Variants in ATP2B2 observed in about 807,000 individuals in gnomAD.
ATP2B2 encodes the protein ATPase plasma membrane Ca2+ transporting 2.
ATP2B2 carries 15 observed loss-of-function variants against 120.0 expected under a neutral mutation model. That is an observed-to-expected ratio of 0.12 (90% CI 0.08 to 0.19). The LOEUF (loss-of-function observed/expected upper bound fraction) is 0.19. Ranked by LOEUF, ATP2B2 falls within the 10% of genes least tolerant of loss-of-function variation. The pLI, the probability that ATP2B2 is intolerant of heterozygous loss-of-function variation, is 1.00. For synonymous variants in ATP2B2, 694 were observed against 700.3 expected (o/e 0.99, Z 0.14); for missense variants, 1,045 against 1,719.8 (o/e 0.61, Z 6.94).
Position 10,327,058 on chromosome 3 carries a change from A to G in ATP2B2, c.*1756T>C. On this transcript the variant is annotated 3_prime_UTR_variant, in exon 23 of 23. Coordinates refer to ENST00000360273, the MANE Select transcript of ATP2B2 (RefSeq NM_001001331.4). ...AATGTCTTTTGCACTGTACAAGTTT[A>G]TGGAAAAAAGATCATATGCTGAAAA... 2.5e-6 allele frequency: 1 copy of G among 393,178 alleles called. No individual in the cohort carries two copies. The highest frequency in any genetic ancestry group is 4.5e-6 in the Non-Finnish European group (1 of 223,000). The allele number at this position is 393,178 out of a possible 1,614,324, so 24.4% of individuals were successfully genotyped here. A position where few individuals can be genotyped will look rare whatever the true frequency, so the allele number is the denominator to read the frequency against.
chr3:10,452,906 A>C (rs112610254), intron 1 of ATP2B2, among the ~76,000 whole-genome samples: 401 of 152,322 alleles, frequency 2.6e-3, no homozygotes, highest in Middle Eastern at 0.017. Flanking sequence ...AAGCTGGTGA[A>C]CATTTACCAC....
At position 10,354,926 on chromosome 3, in the gene ATP2B2, C is replaced by T. The variant is rs145283923; in HGVS notation, c.2136+3765G>A. On this transcript the variant is annotated intron_variant, in intron 14 of 22. Transcript: ENST00000360273. ...TGACAAATAATTCTGCATAAAGGGA[C>T]GAGTCCAGGAGGACAGAGCTCTGGG... 4.5e-3 allele frequency among the ~76,000 whole-genome samples: 689 copies of T among 152,226 alleles called. 17 individuals carry two copies. The highest frequency in any genetic ancestry group is 0.041 in the Admixed American group (622 of 15,290).
chr3:10,397,271 G>A (rs2062069154), intron 5 of ATP2B2, among the ~76,000 whole-genome samples: 1 of 152,224 alleles, frequency 6.6e-6, no homozygotes, highest in Non-Finnish European at 1.5e-5. Flanking sequence ...TGGGCAAGAG[G>A]ATTGTTGCAG....
intron 21 of ATP2B2, chr3:10,338,719 A>C: frequency 3.1e-6 from 1 of 322,032 alleles, no homozygotes; most frequent in South Asian, 2.7e-5. Context: ...AAGTCATTTA[A>C]CCTCACCGAG....
At chr3:10,426,592 C>T (rs2063151944) in intron 2 of ATP2B2, among the ~76,000 whole-genome samples, 1 of 152,178 alleles carries the variant, frequency 6.6e-6, no homozygotes, top group African/African-American at 2.4e-5. Flanking sequence ...CCATGAAGGC[C>T]ACAGAAGGAC....
chr3:10,592,563 T>A (rs867086057), intron 2 of ATP2B2, among the ~76,000 whole-genome samples: 1 of 152,332 alleles, frequency 6.6e-6, no homozygotes, highest in African/African-American at 2.4e-5. Flanking sequence ...TGCAGACATT[T>A]TTTTTCCTCC....
intron 1 of ATP2B2, among the ~76,000 whole-genome samples, chr3:10,484,513 T>C (rs1422719810): frequency 6.6e-6 from 1 of 152,118 alleles, no homozygotes; most frequent in Non-Finnish European, 1.5e-5. Context: ...ATGACCCACC[T>C]GCTGCTGCCA....
intron 2 of ATP2B2, among the ~76,000 whole-genome samples, chr3:10,412,555 A>T (rs936009341): frequency 1.3e-5 from 2 of 151,958 alleles, no homozygotes; most frequent in Non-Finnish European, 2.9e-5. Flanking sequence ...TCCACTCAGC[A>T]CTGTGAGCCC....
chr3:10,606,342 C>A (rs968334663), intron 2 of ATP2B2, among the ~76,000 whole-genome samples: 2 of 152,088 alleles, frequency 1.3e-5, no homozygotes, highest in Non-Finnish European at 2.9e-5. Flanking sequence ...CAATGCATGT[C>A]AAGAGCCTGG....
chr3:10,532,090 A>C (rs1413244889), intron 3 of ATP2B2, among the ~76,000 whole-genome samples: 1 of 151,534 alleles, frequency 6.6e-6, no homozygotes, highest in Non-Finnish European at 1.5e-5. Flanking sequence ...TTTCTCAAAC[A>C]TTGATCGGAC....
intron 1 of ATP2B2, among the ~76,000 whole-genome samples, chr3:10,505,075 C>T (rs981095729): frequency 2.6e-5 from 4 of 152,174 alleles, no homozygotes; most frequent in Admixed American, 2.0e-4. Flanking sequence ...AGAAGAGAAC[C>T]TTGTCCCCTG....
intron 2 of ATP2B2, among the ~76,000 whole-genome samples, chr3:10,602,681 A>G (rs993284012): frequency 6.6e-6 from 1 of 152,250 alleles, no homozygotes; most frequent in Non-Finnish European, 1.5e-5. Context: ...GAACATAATC[A>G]GGTAAAATGG....
At chr3:10,407,627 G>T (rs571531301) in intron 3 of ATP2B2, among the ~76,000 whole-genome samples, 1 of 152,326 alleles carries the variant, frequency 6.6e-6, no homozygotes, top group Admixed American at 6.5e-5. Context: ...CATGGCAGGG[G>T]CTGGAGGCAA....
chr3:10,422,517 TA>T (rs1307579506), intron 2 of ATP2B2, among the ~76,000 whole-genome samples: 1 of 152,232 alleles, frequency 6.6e-6, no homozygotes, highest in African/African-American at 2.4e-5. Flanking sequence ...TGGGGTTTCC[TA>T]TGAATCCAGT....
intron 1 of ATP2B2, among the ~76,000 whole-genome samples, chr3:10,659,214 A>G (rs2070717142): frequency 6.6e-6 from 1 of 152,230 alleles, no homozygotes; most frequent in Non-Finnish European, 1.5e-5. Flanking sequence ...AGCTAACATC[A>G]TAATGACAGG....
intron 1 of ATP2B2, among the ~76,000 whole-genome samples, chr3:10,690,187 T>C (rs1485231741): frequency 6.6e-6 from 1 of 152,220 alleles, no homozygotes; most frequent in Non-Finnish European, 1.5e-5. Context: ...TTGTTCTCCG[T>C]CCAGGCTTGA....
At chr3:10,474,914 C>T (rs2065147762) in intron 1 of ATP2B2, among the ~76,000 whole-genome samples, 1 of 152,234 alleles carries the variant, frequency 6.6e-6, no homozygotes, top group African/African-American at 2.4e-5. Context: ...GTCTCTGTGT[C>T]CCTGGCCCAG....
At chr3:10,496,001 C>T (rs1016515731) in intron 1 of ATP2B2, among the ~76,000 whole-genome samples, 2 of 152,224 alleles carry the variant, frequency 1.3e-5, no homozygotes, top group African/African-American at 4.8e-5. Context: ...CTGGTCCACA[C>T]CAAATACTTA....
chr3:10,382,867 C>G (rs1438391455), intron 8 of ATP2B2, among the ~76,000 whole-genome samples: 2 of 151,146 alleles, frequency 1.3e-5, no homozygotes, highest in African/African-American at 4.9e-5. Flanking sequence ...TTTCCATATC[C>G]AAGTCATTGT....
Sources: allele counts gnomAD v4.1 joint callset (sites outside exome capture counted in the v4.1 genomes callset), GRCh38; gene constraint gnomAD v4.1.1; transcripts MANE v1.5; gene names NCBI Gene and HGNC (gene_info 2026-07-23, HGNC 2026-07-21).